Variants in GULP1 observed in about 807,000 individuals in gnomAD.
GULP1 encodes GULP PTB domain containing engulfment adaptor 1.
Under a neutral mutation model 40.9 loss-of-function variants are expected in GULP1, and 19 were observed. That is an observed-to-expected ratio of 0.46 (90% CI 0.32 to 0.68). The LOEUF is 0.68. GULP1 is among the 30% of genes least tolerant of loss of function. GULP1 has a pLI of 0.03. For missense variants in GULP1, 312 were observed against 362.2 expected, an observed-to-expected ratio of 0.86 and a Z score of 1.12; for synonymous variants, 119 against 117.6, an observed-to-expected ratio of 1.01 and a Z score of -0.08.
chr2:188,522,968 C>A, intron 5 of GULP1, 141 bp downstream of exon 5: 1 of 540,748 alleles, frequency 1.8e-6, no homozygotes, highest in Non-Finnish European at 3.4e-6. Context: ...CAAATGTAAT[C>A]ATATCAAGGA....
At chr2:188,407,473 T>C (rs956863391) in intron 2 of GULP1, among the ~76,000 whole-genome samples, 8 of 152,210 alleles carry the variant, frequency 5.3e-5, no homozygotes, top group Non-Finnish European at 8.8e-5. Flanking sequence ...TTACACAGTG[T>C]AAAAGGATGT....
At chr2:188,542,360 T>G (rs973720148) in intron 7 of GULP1, among the ~76,000 whole-genome samples, 1 of 152,200 alleles carries the variant, frequency 6.6e-6, no homozygotes, top group Non-Finnish European at 1.5e-5. Flanking sequence ...CACTGTTATG[T>G]CATTTGTTTA....
intron 1 of GULP1, among the ~76,000 whole-genome samples, chr2:188,335,626 G>T (rs1479050924): frequency 6.6e-6 from 1 of 152,088 alleles, no homozygotes; most frequent in Non-Finnish European, 1.5e-5. Flanking sequence ...GAAGGCAAGG[G>T]CTATTTTCAG....
chr2:188,579,375 T>C (rs1205263271), intron 9 of GULP1, among the ~76,000 whole-genome samples: 7 of 152,024 alleles, frequency 4.6e-5, no homozygotes, highest in Middle Eastern at 3.4e-3. Context: ...TATTTTTATA[T>C]ATTAATTTAT....
chr2:188,502,021 T>TA (rs1164121428), intron 4 of GULP1, among the ~76,000 whole-genome samples: 2 of 151,962 alleles, frequency 1.3e-5, no homozygotes, highest in African/African-American at 4.8e-5. Flanking sequence ...CCTTAACTGA[T>TA]AAACTATTTT....
chr2:188,507,396 CTT>C (rs5837091), intron 4 of GULP1, among the ~76,000 whole-genome samples: 2,777 of 103,628 alleles, frequency 0.027, 53 homozygotes, highest in African/African-American at 0.087. Context: ...CATTTGTTTT[CTT>C]TTTTTTTTTT....
At chr2:188,485,310 T>C (rs1371480503) in intron 4 of GULP1, among the ~76,000 whole-genome samples, 1 of 152,044 alleles carries the variant, frequency 6.6e-6, no homozygotes, top group African/African-American at 2.4e-5. Context: ...TAAGACATTC[T>C]ACAGGAAGTA....
At chr2:188,399,036 AAAC>A (rs2051705725) in intron 2 of GULP1, among the ~76,000 whole-genome samples, 1 of 152,210 alleles carries the variant, frequency 6.6e-6, no homozygotes, top group African/African-American at 2.4e-5. Flanking sequence ...ACCATCTGTG[AAAC>A]AACACCTATT....
At chr2:188,590,324 A>C (rs936685642) in intron 11 of GULP1, 2 of 152,188 alleles carry the variant, frequency 1.3e-5, no homozygotes, top group African/African-American at 4.8e-5. Flanking sequence ...CTTTAACAAA[A>C]GTAAAATAAT....
chr2:188,544,487 T>C (rs537693846), intron 7 of GULP1, among the ~76,000 whole-genome samples: 1 of 151,932 alleles, frequency 6.6e-6, no homozygotes, highest in African/African-American at 2.4e-5. Flanking sequence ...TGTATACATA[T>C]GTAACAAACG....
Position 188,435,006 on chromosome 2 carries a change from A to G in GULP1, c.-44-42653A>G, listed in dbSNP as rs192611290. Among the ~76,000 whole-genome samples the G allele has an allele frequency of 9.2e-5, 14 of 152,112 alleles. No homozygotes were observed. The East Asian group carries it at 2.7e-3, about 29-fold the overall frequency. On this transcript the variant is annotated intron_variant, in intron 2 of 11. Coordinates refer to ENST00000409830, the MANE Select transcript of GULP1 (RefSeq NM_016315.4). ...ATTTTAAACAAAGGTAGTGGCTTACAATATCTTTTCTATATTTATAATTTT... is the reference window on the plus strand; with the variant it reads ...ATTTTAAACAAAGGTAGTGGCTTACGATATCTTTTCTATATTTATAATTTT...
intron 9 of GULP1, among the ~76,000 whole-genome samples, chr2:188,579,200 G>A (rs1033237478): frequency 6.6e-6 from 1 of 152,114 alleles, no homozygotes; most frequent in African/African-American, 2.4e-5. Context: ...TGACATTCAA[G>A]TGTGAAATGG....
At chr2:188,315,157 C>A (rs1414594960) in intron 1 of GULP1, among the ~76,000 whole-genome samples, 2 of 152,074 alleles carry the variant, frequency 1.3e-5, no homozygotes, top group East Asian at 3.8e-4. Context: ...ATCTTCAATC[C>A]ATGAAATTGT....
intron 2 of GULP1, among the ~76,000 whole-genome samples, chr2:188,401,548 A>T (rs980605189): frequency 6.6e-6 from 1 of 152,172 alleles, no homozygotes; most frequent in Admixed American, 6.5e-5. Context: ...ATTTTTAAAC[A>T]TGAGTGATTA....
chr2:188,502,635 G>A (rs2063538062), intron 4 of GULP1, among the ~76,000 whole-genome samples: 1 of 151,834 alleles, frequency 6.6e-6, no homozygotes, highest in Non-Finnish European at 1.5e-5. Context: ...CACAGAGTAG[G>A]TGACTAATAT....
At chr2:188,496,979 T>G (rs2062958945) in intron 4 of GULP1, among the ~76,000 whole-genome samples, 1 of 151,954 alleles carries the variant, frequency 6.6e-6, no homozygotes, top group Non-Finnish European at 1.5e-5. Context: ...TCCTGAGGTC[T>G]CTCCAGCCAT....
At chr2:188,447,273 TAA>T (rs1559251714) in intron 2 of GULP1, among the ~76,000 whole-genome samples, 1 of 152,086 alleles carries the variant, frequency 6.6e-6, no homozygotes, top group Non-Finnish European at 1.5e-5. Flanking sequence ...TTATTAGACT[TAA>T]AGAGTCATTT....
At chr2:188,421,262 A>T (rs2055366633) in intron 2 of GULP1, among the ~76,000 whole-genome samples, 1 of 152,192 alleles carries the variant, frequency 6.6e-6, no homozygotes. Flanking sequence ...CCCCATTTTT[A>T]AATTTCAAAT....
At chr2:188,400,617 T>C (rs764635245) in intron 2 of GULP1, among the ~76,000 whole-genome samples, 4 of 152,274 alleles carry the variant, frequency 2.6e-5, no homozygotes, top group Admixed American at 6.5e-5. Flanking sequence ...ATTTGTGTTT[T>C]ACAAAGATCA....
Sources: gnomAD v4.1 joint callset for allele counts (sites outside exome capture counted in the v4.1 genomes callset) on GRCh38, gnomAD v4.1.1 for gene constraint, MANE v1.5 for transcripts, NCBI Gene and HGNC (gene_info 2026-07-23, HGNC 2026-07-21) for gene names.